Variants in XKR9 observed in about 807,000 individuals in gnomAD.
The protein encoded by XKR9 is XK related 9.
Under a neutral mutation model 32.0 loss-of-function variants are expected in XKR9, and 32 were observed. That is an observed-to-expected ratio of 1.00 (90% confidence interval 0.76 to 1.34). The LOEUF (loss-of-function observed/expected upper bound fraction) is 1.34, where lower values mean the gene tolerates loss of function less well. Ranked by LOEUF, XKR9 falls within the 40% of genes most tolerant of loss-of-function variation. The pLI is 0.00. For synonymous variants in XKR9, 168 were observed against 143.4 expected, an observed-to-expected ratio of 1.17 and a Z score of -1.22; for missense variants, 546 against 429.7, an observed-to-expected ratio of 1.27 and a Z score of -2.39.
intron 2 of XKR9, among the ~76,000 whole-genome samples, chr8:70,753,432 G>A (rs946700119): frequency 9.2e-5 from 14 of 151,896 alleles, no homozygotes; most frequent in Non-Finnish European, 1.6e-4. Context: ...AGCATCATCC[G>A]GATACCAAAG....
the XKR9 span, among the ~76,000 whole-genome samples, chr8:71,010,468 A>G: frequency 6.6e-6 from 1 of 152,120 alleles, no homozygotes; most frequent in Non-Finnish European, 1.5e-5. Flanking sequence ...GCAACATAGG[A>G]TGTTGTGGGC....
the XKR9 span, among the ~76,000 whole-genome samples, chr8:70,890,326 A>T: frequency 2.1e-4 from 32 of 151,922 alleles, no homozygotes; most frequent in Non-Finnish European, 1.9e-4. Flanking sequence ...TTGCTGTGGC[A>T]AGCATATCCA....
At chr8:70,765,430 T>C (rs945732204) in intron 2 of XKR9, among the ~76,000 whole-genome samples, 23 of 152,244 alleles carry the variant, frequency 1.5e-4, no homozygotes, top group African/African-American at 5.3e-4. Flanking sequence ...CACTTTTTAA[T>C]GGACTTTTGT....
At chr8:70,935,836 A>G in the XKR9 span, among the ~76,000 whole-genome samples, 30 of 152,054 alleles carry the variant, frequency 2.0e-4, no homozygotes, top group Non-Finnish European at 3.5e-4. Context: ...GTTTTTTACC[A>G]TCTGCACTTT....
At chr8:70,925,063 A>G in the XKR9 span, among the ~76,000 whole-genome samples, 12 of 152,218 alleles carry the variant, frequency 7.9e-5, no homozygotes, top group Non-Finnish European at 1.8e-4. Flanking sequence ...GTCACATTCA[A>G]AAATCATTCT....
chr8:70,816,350 TA>T, the XKR9 span, among the ~76,000 whole-genome samples: 1 of 152,148 alleles, frequency 6.6e-6, no homozygotes, highest in Non-Finnish European at 1.5e-5. Context: ...CTGAAGGAGC[TA>T]AAAATTGAAA....
At chr8:70,849,954 T>A in the XKR9 span, among the ~76,000 whole-genome samples, 2 of 150,258 alleles carry the variant, frequency 1.3e-5, no homozygotes, top group African/African-American at 4.9e-5. Context: ...GATAACAAGT[T>A]CTGAAATTGA....
chr8:70,936,718 G>C, the XKR9 span, among the ~76,000 whole-genome samples: 1 of 151,890 alleles, frequency 6.6e-6, no homozygotes, highest in Non-Finnish European at 1.5e-5. Context: ...ACTCCTACCC[G>C]ACTGAGGGAC....
At chr8:70,825,505 T>A in the XKR9 span, among the ~76,000 whole-genome samples, 13 of 152,264 alleles carry the variant, frequency 8.5e-5, no homozygotes, top group Middle Eastern at 3.4e-3. Context: ...TCTTGAAGAA[T>A]CCTGACAAGT....
chr8:70,896,353 T>G, the XKR9 span, among the ~76,000 whole-genome samples: 1 of 152,098 alleles, frequency 6.6e-6, no homozygotes, highest in Non-Finnish European at 1.5e-5. Context: ...TATAGAAATA[T>G]TTTTAATTTC....
At chr8:70,766,929 G>A (rs1393853896) in intron 2 of XKR9, among the ~76,000 whole-genome samples, 4 of 152,202 alleles carry the variant, frequency 2.6e-5, no homozygotes, top group African/African-American at 9.7e-5. Flanking sequence ...AACTAACCAT[G>A]CATCCCACGG....
At chr8:70,761,726 T>C (rs1807311784) in intron 2 of XKR9, among the ~76,000 whole-genome samples, 1 of 152,228 alleles carries the variant, frequency 6.6e-6, no homozygotes, top group Non-Finnish European at 1.5e-5. Context: ...ATTTTTGCTT[T>C]TGTTGCAATT....
the XKR9 span, among the ~76,000 whole-genome samples, chr8:71,016,837 C>CTT: frequency 6.7e-6 from 1 of 149,652 alleles, no homozygotes; most frequent in African/African-American, 2.5e-5. Context: ...GTCATATGCT[C>CTT]TTTTTTTTTT....
chr8:70,882,663 T>C, the XKR9 span, among the ~76,000 whole-genome samples: 1 of 152,048 alleles, frequency 6.6e-6, no homozygotes, highest in African/African-American at 2.4e-5. Context: ...TTTCATATCT[T>C]TGTTTCCTTC....
intron 4 of XKR9, among the ~76,000 whole-genome samples, chr8:70,708,329 G>T (rs1805792468): frequency 6.6e-6 from 1 of 151,990 alleles, no homozygotes; most frequent in Admixed American, 6.6e-5. Flanking sequence ...ATAGCATCTG[G>T]ACTACCTATG....
chr8:70,900,647 C>T, the XKR9 span, among the ~76,000 whole-genome samples: 1 of 151,952 alleles, frequency 6.6e-6, no homozygotes, highest in Non-Finnish European at 1.5e-5. Flanking sequence ...TTTTAGCATA[C>T]TTGGCTCATG....
At chr8:70,987,293 A>G in the XKR9 span, among the ~76,000 whole-genome samples, 2 of 152,214 alleles carry the variant, frequency 1.3e-5, no homozygotes, top group South Asian at 4.1e-4. Flanking sequence ...CCAAAGTTTC[A>G]TCTGAGATGA....
chr8:70,918,415 A>G, the XKR9 span, among the ~76,000 whole-genome samples: 1 of 152,182 alleles, frequency 6.6e-6, no homozygotes, highest in African/African-American at 2.4e-5. Context: ...TCAGATACAA[A>G]GGAACTGGAT....
At chr8:70,904,971 A>C in the XKR9 span, among the ~76,000 whole-genome samples, 2 of 152,196 alleles carry the variant, frequency 1.3e-5, no homozygotes, top group East Asian at 1.9e-4. Flanking sequence ...TGGCTTGTAG[A>C]GTTTCTGCTG....
Sources: gnomAD v4.1 joint callset for allele counts (sites outside exome capture counted in the v4.1 genomes callset) on GRCh38, gnomAD v4.1.1 for gene constraint, MANE v1.5 for transcripts, NCBI Gene and HGNC (gene_info 2026-07-23, HGNC 2026-07-21) for gene names.